The following NAALADL2 variants were observed in gnomAD, a reference collection of about 807,000 sequenced individuals.
NAALADL2 encodes inactive N-acetylated-alpha-linked acidic dipeptidase-like protein 2.
In NAALADL2, 76 loss-of-function variants were observed where a neutral mutation model predicts 87.2. That is an observed-to-expected ratio of 0.87 (90% CI 0.72 to 1.05). The LOEUF (loss-of-function observed/expected upper bound fraction) is 1.05, where lower values mean the gene tolerates loss of function less well. Ranked by LOEUF, NAALADL2 falls within the 50% of genes least tolerant of loss-of-function variation. The pLI is 0.00. For missense variants in NAALADL2, 1,089 were observed against 945.8 expected (o/e 1.15, Z -1.99); for synonymous variants, 354 against 331.0 (o/e 1.07, Z -0.75).
At chr3:175,041,292 A>G (rs1428458090) in intron 1 of NAALADL2, among the ~76,000 whole-genome samples, 1 of 152,128 alleles carries the variant, frequency 6.6e-6, no homozygotes, top group Non-Finnish European at 1.5e-5. Context: ...TATGTAAGCA[A>G]ATCTATAATT....
intron 4 of NAALADL2, among the ~76,000 whole-genome samples, chr3:175,263,124 G>A (rs1031032349): frequency 2.0e-5 from 3 of 151,910 alleles, no homozygotes; most frequent in Admixed American, 2.0e-4. Flanking sequence ...ATAGTTTAAT[G>A]TTTTGAAAGC....
chr3:175,625,998 C>T (rs543417521), intron 10 of NAALADL2, among the ~76,000 whole-genome samples: 88 of 152,030 alleles, frequency 5.8e-4, no homozygotes, highest in African/African-American at 2.1e-3. Flanking sequence ...TTAAATTATT[C>T]TTTCTGAAAA....
At chr3:174,863,893 TC>T in intron 1 of NAALADL2, 1 of 329,528 alleles carries the variant, frequency 3.0e-6, no homozygotes. Flanking sequence ...AGGAAGGCTT[TC>T]ACTAGCCCTT....
At chr3:175,435,824 A>G (rs1466166280) in intron 5 of NAALADL2, among the ~76,000 whole-genome samples, 1 of 150,416 alleles carries the variant, frequency 6.6e-6, no homozygotes, top group Non-Finnish European at 1.5e-5. Flanking sequence ...CCAAATTAAT[A>G]TTAACAAAGA....
intron 3 of NAALADL2, among the ~76,000 whole-genome samples, chr3:174,838,979 G>A (rs535446722): frequency 1.6e-3 from 236 of 152,162 alleles, no homozygotes; most frequent in African/African-American, 5.5e-3. Flanking sequence ...ATTCTTCACA[G>A]AATTAGAAAA....
intron 9 of NAALADL2, among the ~76,000 whole-genome samples, chr3:175,544,593 C>T (rs905434048): frequency 2.6e-5 from 4 of 152,090 alleles, no homozygotes; most frequent in African/African-American, 9.7e-5. Context: ...CCATAAAAGC[C>T]TCCTGTGTAT....
At chr3:175,255,559 T>C (rs1475497860) in intron 3 of NAALADL2, among the ~76,000 whole-genome samples, 1 of 152,188 alleles carries the variant, frequency 6.6e-6, no homozygotes, top group Non-Finnish European at 1.5e-5. Flanking sequence ...TAACAACTAT[T>C]GTTTTAATAA....
chr3:174,912,085 C>T (rs1239262863), intron 1 of NAALADL2, among the ~76,000 whole-genome samples: 1 of 152,064 alleles, frequency 6.6e-6, no homozygotes, highest in Non-Finnish European at 1.5e-5. Context: ...ATGAACTATA[C>T]TCTCTGTAGC....
intron 3 of NAALADL2, among the ~76,000 whole-genome samples, chr3:174,755,519 A>C (rs1711926853): frequency 6.6e-6 from 1 of 152,168 alleles, no homozygotes; most frequent in Non-Finnish European, 1.5e-5. Context: ...CTCTTTAATA[A>C]AAAATTTCGA....
chr3:175,442,707 G>C (rs142703697), intron 5 of NAALADL2, among the ~76,000 whole-genome samples: 305 of 152,300 alleles, frequency 2.0e-3, no homozygotes, highest in African/African-American at 7.1e-3. Flanking sequence ...TAATGGGTCT[G>C]TTTGAGTCTT....
At chr3:174,487,500 T>C (rs1477753161) in intron 1 of NAALADL2, among the ~76,000 whole-genome samples, 1 of 151,974 alleles carries the variant, frequency 6.6e-6, no homozygotes, top group Non-Finnish European at 1.5e-5. Flanking sequence ...TACTTTGATG[T>C]CACGTGAAGT....
chr3:174,964,041 A>AAAT (rs1742523082), intron 1 of NAALADL2, among the ~76,000 whole-genome samples: 1 of 151,656 alleles, frequency 6.6e-6, no homozygotes, highest in Admixed American at 6.6e-5. Flanking sequence ...TTGGGAAAAA[A>AAAT]AACTACCTGT....
chr3:175,690,980 T>A (rs922308994), intron 11 of NAALADL2, among the ~76,000 whole-genome samples: 3 of 151,552 alleles, frequency 2.0e-5, no homozygotes, highest in Non-Finnish European at 2.9e-5. Flanking sequence ...TTTGAAAAGG[T>A]CTATTATTGA....
At chr3:174,890,085 G>A (rs1046337605) in intron 1 of NAALADL2, among the ~76,000 whole-genome samples, 3 of 152,018 alleles carry the variant, frequency 2.0e-5, no homozygotes, top group Non-Finnish European at 2.9e-5. Context: ...AGATAATATC[G>A]GTACCATCAC....
At chr3:174,445,782 A>G (rs1335089402) in intron 1 of NAALADL2, among the ~76,000 whole-genome samples, 1 of 152,112 alleles carries the variant, frequency 6.6e-6, no homozygotes, top group Non-Finnish European at 1.5e-5. Context: ...GTGTAACAGA[A>G]TAGATATTTT....
chr3:175,454,299 C>T (rs951765078), intron 6 of NAALADL2, among the ~76,000 whole-genome samples: 1 of 151,898 alleles, frequency 6.6e-6, no homozygotes, highest in Admixed American at 6.6e-5. Context: ...ATTTTTCTCT[C>T]TACTATTTAG....
intron 1 of NAALADL2, among the ~76,000 whole-genome samples, chr3:174,992,692 A>G (rs1056453465): frequency 1.4e-4 from 21 of 152,150 alleles, no homozygotes; most frequent in Admixed American, 7.2e-4. Context: ...TTTCTTGGAA[A>G]AAAATGATAT....
At chr3:174,612,482 GC>G (rs1720026429) in intron 2 of NAALADL2, among the ~76,000 whole-genome samples, 1 of 151,624 alleles carries the variant, frequency 6.6e-6, no homozygotes, top group South Asian at 2.1e-4. Context: ...TCTTTTTAAT[GC>G]TTTTTTCTTT....
At chr3:175,238,289 A>T (rs1342214027) in intron 3 of NAALADL2, among the ~76,000 whole-genome samples, 4 of 152,128 alleles carry the variant, frequency 2.6e-5, no homozygotes, top group Admixed American at 1.3e-4. Flanking sequence ...AGAAGAGTTT[A>T]AAAAAACTTT....
Sources: allele counts gnomAD v4.1 joint callset (sites outside exome capture counted in the v4.1 genomes callset), GRCh38; gene constraint gnomAD v4.1.1; transcripts MANE v1.5; gene names NCBI Gene and HGNC (gene_info 2026-07-23, HGNC 2026-07-21).